The following PDE4B variants were observed in gnomAD, a reference collection of about 807,000 sequenced individuals.
The protein encoded by PDE4B is phosphodiesterase 4B.
A neutral mutation model predicts 82.2 loss-of-function variants in PDE4B; 20 were observed. That is an observed-to-expected ratio of 0.24 (90% CI 0.17 to 0.35). PDE4B has a LOEUF of 0.35. Ranked by LOEUF, PDE4B falls within the 10% of genes least tolerant of loss-of-function variation. The probability of loss-of-function intolerance (pLI) is 1.00; values close to 1 mark genes in which losing one functional copy is unlikely to be tolerated. For missense variants in PDE4B, 655 were observed against 907.2 expected (o/e 0.72, Z 3.57); for synonymous variants, 320 against 318.9 (o/e 1.00, Z -0.04).
intron 3 of PDE4B, among the ~76,000 whole-genome samples, chr1:65,951,918 G>A (rs1018433192): frequency 5.3e-5 from 8 of 152,028 alleles, no homozygotes; most frequent in African/African-American, 1.7e-4. Context: ...TCTAAGGTTT[G>A]GCAATGGAGG....
intron 3 of PDE4B, among the ~76,000 whole-genome samples, chr1:66,114,988 G>C (rs557221083): frequency 6.6e-6 from 1 of 152,202 alleles, no homozygotes; most frequent in Admixed American, 6.5e-5. Flanking sequence ...TTCCAAAATT[G>C]GGGAGTTTAC....
At chr1:66,022,315 G>A (rs1457113266) in intron 3 of PDE4B, among the ~76,000 whole-genome samples, 1 of 152,154 alleles carries the variant, frequency 6.6e-6, no homozygotes, top group African/African-American at 2.4e-5. Flanking sequence ...TCTCTTGCCT[G>A]ATTGCCCTGG....
chr1:65,879,266 A>G (rs961780907), intron 1 of PDE4B, among the ~76,000 whole-genome samples: 1 of 152,100 alleles, frequency 6.6e-6, no homozygotes, highest in African/African-American at 2.4e-5. Context: ...CAGGCCCAGA[A>G]CTAACAGATA....
intron 1 of PDE4B, among the ~76,000 whole-genome samples, chr1:65,810,513 C>T (rs1198693972): frequency 2.0e-5 from 3 of 152,036 alleles, no homozygotes; most frequent in Admixed American, 6.6e-5. Context: ...TTTTCTAGTG[C>T]CTGCTTAAGA....
intron 3 of PDE4B, among the ~76,000 whole-genome samples, chr1:66,231,675 T>G (rs1570520384): frequency 6.6e-6 from 1 of 152,256 alleles, no homozygotes; most frequent in East Asian, 1.9e-4. Context: ...AGGATGGATT[T>G]GCAAAATAGC....
chr1:65,985,951 T>A (rs144712650), intron 3 of PDE4B, among the ~76,000 whole-genome samples: 2,412 of 152,130 alleles, frequency 0.016, 27 homozygotes, highest in African/African-American at 0.036. Flanking sequence ...TAATAATAAT[T>A]ATTATTATTA....
intron 3 of PDE4B, among the ~76,000 whole-genome samples, chr1:66,205,851 C>T (rs887635626): frequency 1.3e-5 from 2 of 152,236 alleles, no homozygotes; most frequent in Non-Finnish European, 2.9e-5. Flanking sequence ...AGCTCATGCC[C>T]TGTTGCCTCC....
At chr1:65,964,988 C>A (rs1011207219) in intron 3 of PDE4B, among the ~76,000 whole-genome samples, 17 of 152,104 alleles carry the variant, frequency 1.1e-4, no homozygotes, top group African/African-American at 3.9e-4. Flanking sequence ...ACTGTTGAAG[C>A]ACGCTCGGCT....
intron 4 of PDE4B, among the ~76,000 whole-genome samples, chr1:66,250,087 A>G (rs954954583): frequency 1.3e-5 from 2 of 152,258 alleles, no homozygotes; most frequent in Non-Finnish European, 2.9e-5. Context: ...CCAGTTTCAC[A>G]TAAATATCTG....
intron 3 of PDE4B, among the ~76,000 whole-genome samples, chr1:66,185,860 T>C (rs566387174): frequency 6.6e-6 from 1 of 152,314 alleles, no homozygotes; most frequent in Admixed American, 6.5e-5. Flanking sequence ...TTTGTCAATT[T>C]TGGCTTTTGT....
intron 3 of PDE4B, among the ~76,000 whole-genome samples, chr1:65,981,074 A>T (rs1294590732): frequency 6.6e-6 from 1 of 152,160 alleles, no homozygotes; most frequent in East Asian, 1.9e-4. Context: ...CTGACCTGGG[A>T]GGCCCCAAAA....
In PDE4B at chr1:66,167,531, A is replaced by G. The variant is rs1646758744; in HGVS notation, c.282-79929A>G. Among the ~76,000 whole-genome samples, 4 of 152,178 alleles carry G rather than the reference A, an allele frequency of 2.6e-5. No homozygotes were observed. In the South Asian group the frequency reaches 8.3e-4, roughly 31 times the overall value. On this transcript the variant is annotated intron_variant, in intron 3 of 16. Transcript: ENST00000341517. ...GGAGTTTCCTTTTGGGGTGATGAACATGGGGTGATAGTGGTGATGGTTGTA... is the reference window on the plus strand; with the variant it reads ...GGAGTTTCCTTTTGGGGTGATGAACGTGGGGTGATAGTGGTGATGGTTGTA...
At chr1:66,073,517 C>T (rs1343864282) in intron 3 of PDE4B, among the ~76,000 whole-genome samples, 1 of 151,976 alleles carries the variant, frequency 6.6e-6, no homozygotes, top group Non-Finnish European at 1.5e-5. Flanking sequence ...GCTCTGTACA[C>T]CCAGCTCATA....
At chr1:65,892,181 G>T (rs1646859317) in intron 1 of PDE4B, among the ~76,000 whole-genome samples, 1 of 152,030 alleles carries the variant, frequency 6.6e-6, no homozygotes, top group Non-Finnish European at 1.5e-5. Flanking sequence ...TAATTTTACT[G>T]GTGAGGAAAC....
At chr1:66,034,459 T>C (rs1403684083) in intron 3 of PDE4B, among the ~76,000 whole-genome samples, 4 of 152,246 alleles carry the variant, frequency 2.6e-5, no homozygotes, top group African/African-American at 4.8e-5. Flanking sequence ...AAATTATTCA[T>C]GGCATTATGG....
intron 3 of PDE4B, among the ~76,000 whole-genome samples, chr1:65,926,763 C>G (rs1006140541): frequency 6.7e-6 from 1 of 148,512 alleles, no homozygotes; most frequent in Non-Finnish European, 1.5e-5. Context: ...TAATTATCCA[C>G]GGATGAGGAT....
At position 65,977,666 on chromosome 1, in the gene PDE4B, T is replaced by C. The variant is rs145944046; in HGVS notation, c.281+58831T>C. On this transcript the variant is annotated intron_variant, in intron 3 of 16. Coordinates refer to ENST00000341517, the MANE Select transcript of PDE4B (RefSeq NM_002600.4). Reference sequence around the variant, plus strand: ...GGCGATGTATAGTTCTTGTTCTTTCTTCCATGAACTGTTGTTACATATTCT... The same window carrying C: ...GGCGATGTATAGTTCTTGTTCTTTCCTCCATGAACTGTTGTTACATATTCT... 7.4e-3 allele frequency among the ~76,000 whole-genome samples: 1,135 copies of C among 152,360 alleles called. 12 individuals carry two copies. In the Middle Eastern group the frequency reaches 0.075, roughly 10 times the overall value.
At chr1:66,359,505 A>G (rs1662580401) in intron 9 of PDE4B, among the ~76,000 whole-genome samples, 1 of 152,240 alleles carries the variant, frequency 6.6e-6, no homozygotes. Flanking sequence ...GCATAGGGAA[A>G]CACCCATTAA....
intron 4 of PDE4B, among the ~76,000 whole-genome samples, chr1:66,253,018 T>G (rs1156367158): frequency 6.6e-6 from 1 of 152,216 alleles, no homozygotes; most frequent in Non-Finnish European, 1.5e-5. Context: ...AGATACCTAC[T>G]GGTATTGATA....
Sources: gnomAD v4.1 joint callset for allele counts (sites outside exome capture counted in the v4.1 genomes callset) on GRCh38, gnomAD v4.1.1 for gene constraint, MANE v1.5 for transcripts, NCBI Gene and HGNC (gene_info 2026-07-23, HGNC 2026-07-21) for gene names.